Variants in MEOX1 observed in about 807,000 individuals in gnomAD.
MEOX1 encodes mesenchyme homeobox 1.
Under a neutral mutation model 23.2 loss-of-function variants are expected in MEOX1, and 17 were observed. The observed-to-expected ratio is 0.73, with a 90% CI of 0.50 to 1.10. The LOEUF (loss-of-function observed/expected upper bound fraction) is 1.10. Ranked by LOEUF, MEOX1 falls within the 50% of genes least tolerant of loss-of-function variation. MEOX1 has a pLI of 0.00. For missense variants in MEOX1, 333 were observed against 332.2 expected, an observed-to-expected ratio of 1.00 and a Z score of -0.02; for synonymous variants, 134 against 135.1, an observed-to-expected ratio of 0.99 and a Z score of 0.06.
Position 43,651,162 on chromosome 17 carries a change from C to CA in MEOX1, c.470-7503dup, listed in dbSNP as rs1198320491. Among the ~76,000 whole-genome samples, 5 of 152,048 alleles carry CA rather than the reference C, an allele frequency of 3.3e-5. No homozygotes were observed. In the South Asian group the frequency reaches 1.0e-3, roughly 32 times the overall value. On this transcript the variant is annotated intron_variant, in intron 1 of 2. Coordinates refer to ENST00000318579, the MANE Select transcript of MEOX1 (RefSeq NM_004527.4). Reference sequence around the variant, plus strand: ...TGAAACCCCATCTCCACTAAAAATACAAAAAAATTAGCCGGGTGTGGTGGC... The same window carrying CA: ...TGAAACCCCATCTCCACTAAAAATACAAAAAAAATTAGCCGGGTGTGGTGGC...
chr17:43,642,739 A>G (rs184632092), intron 2 of MEOX1, among the ~76,000 whole-genome samples: 1 of 152,296 alleles, frequency 6.6e-6, no homozygotes, highest in Admixed American at 6.5e-5. Flanking sequence ...CCAGCTGCAT[A>G]TCCAGATCAC....
At chr17:43,645,958 G>C (rs1056451225) in intron 1 of MEOX1, among the ~76,000 whole-genome samples, 2 of 152,226 alleles carry the variant, frequency 1.3e-5, no homozygotes, top group Non-Finnish European at 2.9e-5. Flanking sequence ...GCGCGTCCGT[G>C]GCCTCCGCCG....
At chr17:43,659,778 A>C (rs1451342555) in intron 1 of MEOX1, among the ~76,000 whole-genome samples, 2 of 152,184 alleles carry the variant, frequency 1.3e-5, no homozygotes, top group Non-Finnish European at 2.9e-5. Context: ...GACTCAAAAG[A>C]GCTGACGTCA....
chr17:43,654,017 C>A lies in MEOX1; in HGVS notation c.469+7049G>T, dbSNP rs569362247. On this transcript the variant is annotated intron_variant, in intron 1 of 2. Transcript: ENST00000318579. ...TGAAGGGTCTGTGCCACAGTTTGAA[C>A]CTTGTCCCTTGTTCCTGTCCCCGTA... is the stretch of plus-strand genomic sequence containing the variant. 4.6e-5 allele frequency among the ~76,000 whole-genome samples: 7 copies of A among 152,274 alleles called. No homozygotes were observed. The South Asian group carries it at 6.2e-4, about 14-fold the overall frequency.
chr17:43,659,647 T>G lies in MEOX1; in HGVS notation c.469+1419A>C, dbSNP rs373873836. ...AAGTCCTGGGCAAATGGAGATGAGC[T>G]GCTCACTCTAGTTTGACCCCATTCT... On this transcript the variant is annotated intron_variant, in intron 1 of 2. Coordinates refer to ENST00000318579, the MANE Select transcript of MEOX1 (RefSeq NM_004527.4). Among the ~76,000 whole-genome samples the G allele has an allele frequency of 9.2e-5, 14 of 152,340 alleles. No homozygotes were observed. The South Asian group carries it at 2.7e-3, about 29-fold the overall frequency.
intron 1 of MEOX1, among the ~76,000 whole-genome samples, chr17:43,646,465 A>G (rs770295760): frequency 2.0e-5 from 3 of 152,190 alleles, no homozygotes; most frequent in Non-Finnish European, 4.4e-5. Flanking sequence ...CCCGAGGCTT[A>G]GTGTTTCCCA....
intron 1 of MEOX1, among the ~76,000 whole-genome samples, chr17:43,647,732 C>T (rs1164903969): frequency 2.0e-5 from 3 of 152,242 alleles, no homozygotes; most frequent in Non-Finnish European, 2.9e-5. Flanking sequence ...TGCCCCATCC[C>T]TGGCCACCTC....
intron 1 of MEOX1, among the ~76,000 whole-genome samples, chr17:43,655,649 C>A (rs907701076): frequency 7.9e-6 from 1 of 126,796 alleles, no homozygotes; most frequent in African/African-American, 2.9e-5. Context: ...CATAGCAAGA[C>A]CCTGTCTTTC....
chr17:43,649,903 T>G (rs1972885667), intron 1 of MEOX1, among the ~76,000 whole-genome samples: 1 of 152,306 alleles, frequency 6.6e-6, no homozygotes, highest in Non-Finnish European at 1.5e-5. Flanking sequence ...GTTTCCACCA[T>G]GAGCTTCCAC....
In MEOX1 at chr17:43,661,163, C is replaced by A; in HGVS notation, c.372G>T (p.Val124=). Residue 124 remains valine, a synonymous_variant, in exon 1 of 3, where the codon GTG becomes GTT. Transcript: ENST00000318579. ...KEMGTSSLGL[V]DTTGGPGDDY... ...CATCGCCTGGGCCTCCTGTGGTGTCCACCAGGCCCAGGCTGCTGGTCCCCA... is the reference window on the plus strand; with the variant it reads ...CATCGCCTGGGCCTCCTGTGGTGTCAACCAGGCCCAGGCTGCTGGTCCCCA... The A allele has an allele frequency of 6.3e-7, 1 of 1,589,600 alleles. No homozygotes were observed. The highest frequency in any genetic ancestry group is 1.2e-5 in the South Asian group (1 of 86,720).
chr17:43,661,454 C>T lies in MEOX1; in HGVS notation c.81G>A (p.Ser27=), dbSNP rs781131358. 30 of 1,611,232 alleles carry T rather than the reference C, an allele frequency of 1.9e-5. No homozygotes were observed. Among genetic ancestry groups the T allele is most frequent in the Admixed American group, 1.8e-4 (11 of 59,788 alleles). ...PVWGCLRNPH[S]EGNGASGLPH... The stretch of plus-strand genomic sequence containing the variant: ...GTAGCCCTGAGGCCCCATTGCCTTC[C>T]GAGTGGGGGTTTCGAAGGCAGCCCC... The change falls in exon 1 of 3, where the codon TCG becomes TCA. Residue 27 remains serine, a synonymous_variant. Coordinates refer to ENST00000318579, the MANE Select transcript of MEOX1 (RefSeq NM_004527.4).
At position 43,661,182 on chromosome 17, in the gene MEOX1, G is replaced by C; in HGVS notation, c.353C>G (p.Thr118Ser). ...GPAGGSKEMGTSSLGLVDTTG... is the reference protein window; with the variant it reads ...GPAGGSKEMGSSSLGLVDTTG... ...GGTGTCCACCAGGCCCAGGCTGCTG[G>C]TCCCCATTTCCTTGGAACCCCCTGC... The change falls in exon 1 of 3, where the codon ACC becomes AGC. Residue 118 changes from threonine to serine, a missense_variant. Transcript: ENST00000318579. 6.2e-7 allele frequency: 1 copy of C among 1,603,838 alleles called. No individual in the cohort carries two copies. The highest frequency in any genetic ancestry group is 1.1e-5 in the South Asian group (1 of 89,392).
At position 43,661,484 on chromosome 17, in the gene MEOX1, A is replaced by T. The variant is rs767220584; in HGVS notation, c.51T>A (p.Pro17=). 1 of 1,606,450 alleles carries T rather than the reference A, an allele frequency of 6.2e-7. No individual in the cohort carries two copies. ...SCMRSLQPPA[P]VWGCLRNPHS... is the part of the protein sequence containing the mutation. The stretch of plus-strand genomic sequence containing the variant: ...GGGGGTTTCGAAGGCAGCCCCAGAC[A>T]GGGGCTGGGGGCTGGAGGCTCCTCA... The change falls in exon 1 of 3, where the codon CCT becomes CCA. Residue 17 remains proline, a synonymous_variant. Transcript: ENST00000318579.
At chr17:43,646,520 C>T (rs547890199) in intron 1 of MEOX1, among the ~76,000 whole-genome samples, 43 of 152,332 alleles carry the variant, frequency 2.8e-4, no homozygotes, top group African/African-American at 1.0e-3. Flanking sequence ...CCCAGAGGAC[C>T]GCAGAGGCTT....
At chr17:43,655,460 A>T (rs1472201065) in intron 1 of MEOX1, among the ~76,000 whole-genome samples, 1 of 149,952 alleles carries the variant, frequency 6.7e-6, no homozygotes, top group Non-Finnish European at 1.5e-5. Context: ...ACAGAGTGAG[A>T]CTCCGTCTCA....
chr17:43,661,493 G>A lies in MEOX1; in HGVS notation c.42C>T (p.Pro14=). 1 of 1,598,736 alleles carries A rather than the reference G, an allele frequency of 6.3e-7. No individual in the cohort carries two copies. Among genetic ancestry groups the A allele is most frequent in the Non-Finnish European group, 8.5e-7 (1 of 1,173,626 alleles). The change falls in exon 1 of 3, where the codon CCC becomes CCT. Residue 14 remains proline, a synonymous_variant. Coordinates refer to ENST00000318579, the MANE Select transcript of MEOX1 (RefSeq NM_004527.4). ...GAAGGCAGCCCCAGACAGGGGCTGG[G>A]GGCTGGAGGCTCCTCATGCAGCTGC... The part of the protein sequence containing the change: ...AASSCMRSLQ[P]PAPVWGCLRN...
At position 43,651,513 on chromosome 17, in the gene MEOX1, C is replaced by T. The variant is rs555368846; in HGVS notation, c.470-7853G>A. ...GCTTGAGACCCAGGCCCACTGCTCA[C>T]GCTGTTCCTGTACCTCTGCATGCAA... is the stretch of plus-strand genomic sequence containing the variant. On this transcript the variant is annotated intron_variant, in intron 1 of 2. Transcript: ENST00000318579. Among the ~76,000 whole-genome samples the T allele has an allele frequency of 1.8e-4, 28 of 151,840 alleles. No homozygotes were observed. In the South Asian group the frequency reaches 4.6e-3, roughly 25 times the overall value.
chr17:43,649,728 C>G (rs1972881442), intron 1 of MEOX1, among the ~76,000 whole-genome samples: 1 of 152,198 alleles, frequency 6.6e-6, no homozygotes, highest in Non-Finnish European at 1.5e-5. Context: ...GATGCCTCTT[C>G]CAGAACTGCG....
At chr17:43,654,065 G>A (rs1454316195) in intron 1 of MEOX1, among the ~76,000 whole-genome samples, 1 of 152,198 alleles carries the variant, frequency 6.6e-6, no homozygotes, top group Non-Finnish European at 1.5e-5. Flanking sequence ...GTCCCTATAA[G>A]GGCAGAATTG....
Sources: gnomAD v4.1 joint callset for allele counts (sites outside exome capture counted in the v4.1 genomes callset) on GRCh38, gnomAD v4.1.1 for gene constraint, MANE v1.5 for transcripts, NCBI Gene and HGNC (gene_info 2026-07-23, HGNC 2026-07-21) for gene names.